Variants in LRP1B observed in about 807,000 individuals in gnomAD.
LRP1B encodes the protein low-density lipoprotein receptor-related protein 1B.
Under a neutral mutation model 556.6 loss-of-function variants are expected in LRP1B, and 217 were observed. The observed-to-expected ratio is 0.39, with a 90% confidence interval of 0.35 to 0.44. The LOEUF is 0.44. Ranked by LOEUF, LRP1B falls within the 20% of genes least tolerant of loss-of-function variation. The pLI is 1.00. For synonymous variants in LRP1B, 2,047 were observed against 1,865.8 expected (o/e 1.10, Z -2.50); for missense variants, 5,053 against 5,620.8 (o/e 0.90, Z 3.23).
chr2:141,419,173 T>A (rs1430705208), intron 3 of LRP1B, among the ~76,000 whole-genome samples: 2 of 152,144 alleles, frequency 1.3e-5, no homozygotes, highest in African/African-American at 2.4e-5. Context: ...ATCCTCTTAA[T>A]GTGCCATTGA....
chr2:140,525,474 GA>G (rs2104965575), intron 49 of LRP1B, among the ~76,000 whole-genome samples: 1 of 151,996 alleles, frequency 6.6e-6, no homozygotes, highest in South Asian at 2.1e-4. Flanking sequence ...CAATAACACT[GA>G]GTAAGGCCAG....
At chr2:141,748,666 T>C (rs901904584) in intron 2 of LRP1B, among the ~76,000 whole-genome samples, 1 of 152,220 alleles carries the variant, frequency 6.6e-6, no homozygotes, top group African/African-American at 2.4e-5. Context: ...CAAGTTCATA[T>C]GTGCTGGTGT....
intron 1 of LRP1B, among the ~76,000 whole-genome samples, chr2:141,958,806 A>C (rs1355148639): frequency 6.6e-6 from 1 of 152,026 alleles, no homozygotes; most frequent in Non-Finnish European, 1.5e-5. Context: ...ATAAACTCAG[A>C]CTGGTGTAAG....
intron 1 of LRP1B, among the ~76,000 whole-genome samples, chr2:142,072,030 C>T (rs1019073995): frequency 2.0e-5 from 3 of 151,978 alleles, no homozygotes; most frequent in Admixed American, 1.3e-4. Context: ...CTCCCTCTCT[C>T]ATTCCCCATG....
intron 2 of LRP1B, among the ~76,000 whole-genome samples, chr2:141,563,240 A>G (rs535682914): frequency 2.9e-4 from 44 of 152,184 alleles, no homozygotes; most frequent in African/African-American, 1.0e-3. Context: ...CGACATCCAG[A>G]TGGAGATGTT....
At chr2:142,053,800 C>T (rs893928741) in intron 1 of LRP1B, among the ~76,000 whole-genome samples, 7 of 152,098 alleles carry the variant, frequency 4.6e-5, no homozygotes, top group Non-Finnish European at 7.3e-5. Context: ...TATACTCCAT[C>T]GATCAAGAGG....
Position 140,326,865 on chromosome 2 carries a change from TCTA to T in LRP1B, c.12224-990_12224-988del, listed in dbSNP as rs1680514414. Among the ~76,000 whole-genome samples the T allele has an allele frequency of 3.9e-5, 6 of 152,142 alleles. 1 individual carries two copies. The South Asian group carries it at 1.0e-3, about 26-fold the overall frequency. The stretch of plus-strand genomic sequence containing the variant: ...TAATACACAGTAAAAATAATATTTT[TCTA>T]CTTTTTTAGTTTCATTTTTTGATTT... On this transcript the variant is annotated intron_variant, in intron 79 of 90. Coordinates refer to ENST00000389484, the MANE Select transcript of LRP1B (RefSeq NM_018557.3).
At chr2:141,861,196 A>T (rs1269454111) in intron 1 of LRP1B, among the ~76,000 whole-genome samples, 1 of 152,170 alleles carries the variant, frequency 6.6e-6, no homozygotes, top group Non-Finnish European at 1.5e-5. Context: ...TGACAAGTTC[A>T]TCCATGGCCA....
chr2:141,968,824 ACT>A (rs1049092961), intron 1 of LRP1B, among the ~76,000 whole-genome samples: 4 of 151,792 alleles, frequency 2.6e-5, no homozygotes, highest in Non-Finnish European at 5.9e-5. Flanking sequence ...TTTCAACACC[ACT>A]GTTTAAACAT....
intron 1 of LRP1B, among the ~76,000 whole-genome samples, chr2:141,971,149 G>C (rs1047114931): frequency 1.3e-5 from 2 of 151,498 alleles, no homozygotes; most frequent in Admixed American, 6.6e-5. Context: ...AAGAATCAAA[G>C]AAAATGCACC....
At chr2:141,000,437 G>A (rs1251346795) in intron 15 of LRP1B, among the ~76,000 whole-genome samples, 1 of 152,072 alleles carries the variant, frequency 6.6e-6, no homozygotes, top group Non-Finnish European at 1.5e-5. Context: ...GTGGATGTGA[G>A]GAGAAGCATC....
At chr2:141,280,812 A>G (rs1000213773) in intron 3 of LRP1B, among the ~76,000 whole-genome samples, 2 of 152,026 alleles carry the variant, frequency 1.3e-5, no homozygotes, top group Non-Finnish European at 1.5e-5. Context: ...CTAGACTGAA[A>G]AGAATCAGTG....
intron 43 of LRP1B, among the ~76,000 whole-genome samples, chr2:140,593,174 G>A (rs983260177): frequency 1.3e-5 from 2 of 152,098 alleles, no homozygotes. Flanking sequence ...AAAGTCATAA[G>A]ATTTAAGATT....
rs993296648 is a variant in LRP1B at position 140,386,534 on chromosome 2, A to G, written c.10415-525T>C. 2.6e-5 allele frequency among the ~76,000 whole-genome samples: 4 copies of G among 152,330 alleles called. No individual in the cohort carries two copies. In the East Asian group the frequency reaches 7.7e-4, roughly 29 times the overall value. On this transcript the variant is annotated intron_variant, in intron 66 of 90. Coordinates refer to ENST00000389484, the MANE Select transcript of LRP1B (RefSeq NM_018557.3). ...CTGCCCACTCATAAACTCATAGGTT[A>G]TAATAATGCTTCACATGTGTACAGA... is the stretch of plus-strand genomic sequence containing the variant.
chr2:141,449,544 C>T (rs1392529079), intron 3 of LRP1B, among the ~76,000 whole-genome samples: 5 of 152,054 alleles, frequency 3.3e-5, no homozygotes, highest in African/African-American at 7.2e-5. Context: ...TCTACTTTGC[C>T]GTCCCTACAT....
chr2:141,361,472 A>C (rs577122259), intron 3 of LRP1B, among the ~76,000 whole-genome samples: 14 of 152,160 alleles, frequency 9.2e-5, no homozygotes, highest in Non-Finnish European at 1.9e-4. Context: ...TGCATTTCTC[A>C]GCAGTGATCT....
chr2:140,823,194 C>A (rs1307756241), intron 31 of LRP1B, among the ~76,000 whole-genome samples: 1 of 151,820 alleles, frequency 6.6e-6, no homozygotes, highest in East Asian at 1.9e-4. Context: ...TTTTACCAGG[C>A]AGAATATAGT....
chr2:141,048,231 G>T (rs546972050), intron 11 of LRP1B, among the ~76,000 whole-genome samples: 1 of 152,100 alleles, frequency 6.6e-6, no homozygotes, highest in Admixed American at 6.6e-5. Flanking sequence ...GAGGAAACAG[G>T]TCCAGAATCA....
chr2:141,341,962 C>T (rs1051367372), intron 3 of LRP1B, among the ~76,000 whole-genome samples: 1 of 151,810 alleles, frequency 6.6e-6, no homozygotes, highest in Non-Finnish European at 1.5e-5. Context: ...ATAACCCAGG[C>T]GGCCGGGCGC....
Sources: gnomAD v4.1 joint callset for allele counts (sites outside exome capture counted in the v4.1 genomes callset) on GRCh38, gnomAD v4.1.1 for gene constraint, MANE v1.5 for transcripts, NCBI Gene and HGNC (gene_info 2026-07-23, HGNC 2026-07-21) for gene names.